Variants in MCTP1 observed in about 807,000 individuals in gnomAD.
MCTP1 encodes multiple C2 and transmembrane domain containing 1.
A neutral mutation model predicts 120.6 loss-of-function variants in MCTP1; 69 were observed. The ratio of observed to expected loss-of-function variants is 0.57; its 90% CI spans 0.47 to 0.70. The LOEUF (loss-of-function observed/expected upper bound fraction) is 0.70, where lower values mean the gene tolerates loss of function less well. MCTP1 is among the 30% of genes least tolerant of loss of function. The probability of loss-of-function intolerance (pLI) is 0.00; values close to 1 mark genes in which losing one functional copy is unlikely to be tolerated. For synonymous variants in MCTP1, 529 were observed against 493.1 expected (o/e 1.07, Z -0.96); for missense variants, 1,203 against 1,248.8 (o/e 0.96, Z 0.55).
chr5:94,778,618 G>A (rs572590028), intron 19 of MCTP1, among the ~76,000 whole-genome samples: 3 of 152,106 alleles, frequency 2.0e-5, no homozygotes, highest in Non-Finnish European at 2.9e-5. Flanking sequence ...CCTCGGCAAG[G>A]GCGGTGAGCA....
rs373174876 is a variant in MCTP1 at position 94,847,682 on chromosome 5, G to GTATA, written c.2436+20647_2436+20650dup. Among the ~76,000 whole-genome samples, 723 of 102,338 alleles carry GTATA rather than the reference G, an allele frequency of 7.1e-3. 5 individuals carry two copies. The highest frequency in any genetic ancestry group is 9.9e-3 in the East Asian group (35 of 3,536). The allele number at this position is 102,338 out of a possible 152,430, so 67.1% of individuals were successfully genotyped here. A position where few individuals can be genotyped will look rare whatever the true frequency, so the allele number is the denominator to read the frequency against. On this transcript the variant is annotated intron_variant, in intron 17 of 22. Transcript: ENST00000515393. ...TGTGTGTGTGTGTGTGTGTGTGTGTGTATATATATATATATATATATATGT... is the reference window on the plus strand; with the variant it reads ...TGTGTGTGTGTGTGTGTGTGTGTGTGTATATATATATATATATATATATATATGT...
chr5:94,784,558 C>A (rs1431505295), intron 18 of MCTP1, among the ~76,000 whole-genome samples: 2 of 152,002 alleles, frequency 1.3e-5, no homozygotes, highest in African/African-American at 4.8e-5. Context: ...ATACATAATT[C>A]ACTCCACGTT....
intron 10 of MCTP1, among the ~76,000 whole-genome samples, chr5:94,907,643 G>T (rs1477136265): frequency 1.3e-5 from 2 of 152,096 alleles, no homozygotes; most frequent in Non-Finnish European, 2.9e-5. Flanking sequence ...TGTCAACCAT[G>T]TCTGCCCTTG....
intron 1 of MCTP1, among the ~76,000 whole-genome samples, chr5:95,266,850 G>A (rs532299516): frequency 1.1e-4 from 17 of 152,300 alleles, no homozygotes; most frequent in South Asian, 1.0e-3. Context: ...TACCCTGAGC[G>A]TTCTCAGAAT....
At chr5:95,010,796 A>G (rs1562012382) in intron 2 of MCTP1, among the ~76,000 whole-genome samples, 1 of 152,146 alleles carries the variant, frequency 6.6e-6, no homozygotes, top group Non-Finnish European at 1.5e-5. Context: ...ATAATTTGAT[A>G]CTATAAGAAA....
chr5:94,775,748 C>T (rs1775151343), intron 19 of MCTP1, among the ~76,000 whole-genome samples: 1 of 151,776 alleles, frequency 6.6e-6, no homozygotes, highest in Non-Finnish European at 1.5e-5. Context: ...CCACGTAAAA[C>T]CTGTATTCTC....
chr5:94,943,703 T>G (rs552008590), intron 3 of MCTP1, among the ~76,000 whole-genome samples: 1 of 151,958 alleles, frequency 6.6e-6, no homozygotes, highest in Admixed American at 6.6e-5. Flanking sequence ...CAAATTCTGA[T>G]AAGTGTTTTA....
chr5:95,173,104 T>C (rs755249267), intron 1 of MCTP1, among the ~76,000 whole-genome samples: 1 of 152,212 alleles, frequency 6.6e-6, no homozygotes, highest in Non-Finnish European at 1.5e-5. Flanking sequence ...TATTTTCTTG[T>C]ATGGAGATCG....
intron 7 of MCTP1, among the ~76,000 whole-genome samples, chr5:94,922,997 CAAAAAAAAAAA>C (rs202245253): frequency 1.0e-5 from 1 of 99,548 alleles, no homozygotes; most frequent in African/African-American, 4.0e-5. Context: ...TAAAAAGCTG[CAAAAAAAAAAA>C]AAAAAAAAAA....
intron 19 of MCTP1, among the ~76,000 whole-genome samples, chr5:94,770,255 A>T (rs915192155): frequency 3.9e-5 from 6 of 152,180 alleles, no homozygotes; most frequent in African/African-American, 1.4e-4. Flanking sequence ...TCCTGAAAAA[A>T]TCGTGTCTAT....
chr5:94,991,177 A>T (rs1374219877), intron 2 of MCTP1, among the ~76,000 whole-genome samples: 1 of 152,166 alleles, frequency 6.6e-6, no homozygotes, highest in Non-Finnish European at 1.5e-5. Flanking sequence ...TTCTTGTGAA[A>T]AGTTAAAATA....
At chr5:94,976,494 T>A (rs1828137241) in intron 2 of MCTP1, among the ~76,000 whole-genome samples, 1 of 152,010 alleles carries the variant, frequency 6.6e-6, no homozygotes, top group Non-Finnish European at 1.5e-5. Context: ...TTTTAGACAA[T>A]CTAATTTTAG....
chr5:94,904,069 T>G (rs1307216594), intron 10 of MCTP1, among the ~76,000 whole-genome samples: 1 of 152,248 alleles, frequency 6.6e-6, no homozygotes, highest in Non-Finnish European at 1.5e-5. Flanking sequence ...AATAATTACA[T>G]GCAGATTAAC....
At chr5:94,961,661 T>A (rs1259571821) in intron 2 of MCTP1, among the ~76,000 whole-genome samples, 1 of 152,142 alleles carries the variant, frequency 6.6e-6, no homozygotes, top group African/African-American at 2.4e-5. Context: ...CTGTTAAAGA[T>A]CCCTGGAGAA....
intron 1 of MCTP1, among the ~76,000 whole-genome samples, chr5:95,077,791 TA>T (rs1753958268): frequency 6.6e-6 from 1 of 152,250 alleles, no homozygotes; most frequent in East Asian, 1.9e-4. Flanking sequence ...TATATAATTT[TA>T]AAAACTAACA....
In MCTP1 at chr5:95,274,121, C is replaced by T. The variant is rs113788181; in HGVS notation, c.720+9735G>A. Among the ~76,000 whole-genome samples, 829 of 152,260 alleles carry T rather than the reference C, an allele frequency of 5.4e-3. 7 individuals carry two copies. The highest frequency in any genetic ancestry group is 0.019 in the African/African-American group (801 of 41,540). On this transcript the variant is annotated intron_variant, in intron 1 of 22. Transcript: ENST00000515393. ...GTCTCAGCCCTCATATCTGGCCACA[C>T]CTTCACTCTCACCTTCATTCTCACT...
chr5:95,283,730 C>T, intron 1 of MCTP1, 126 bp downstream of exon 1: 3 of 683,038 alleles, frequency 4.4e-6, no homozygotes, highest in Non-Finnish European at 6.3e-6. Context: ...GTTTCATCTA[C>T]TTAGAATTAA....
chr5:94,931,063 T>C (rs1436826447), intron 6 of MCTP1: 3 of 152,136 alleles, frequency 2.0e-5, no homozygotes, highest in Non-Finnish European at 4.4e-5. Context: ...AAGAGACACT[T>C]GTTCAAACAG....
chr5:94,899,817 C>T (rs1230380309), intron 10 of MCTP1, among the ~76,000 whole-genome samples: 1 of 152,180 alleles, frequency 6.6e-6, no homozygotes, highest in African/African-American at 2.4e-5. Context: ...AATATATTTC[C>T]TTGCATTTCT....
Sources: allele counts gnomAD v4.1 joint callset (sites outside exome capture counted in the v4.1 genomes callset), GRCh38; gene constraint gnomAD v4.1.1; transcripts MANE v1.5; gene names NCBI Gene and HGNC (gene_info 2026-07-23, HGNC 2026-07-21).